Variants in ALCAM observed in about 807,000 individuals in gnomAD.
The protein encoded by ALCAM is activated leukocyte cell adhesion molecule.
ALCAM carries 30 observed loss-of-function variants against 70.9 expected under a neutral mutation model. The observed-to-expected ratio is 0.42, with a 90% CI of 0.32 to 0.57. The LOEUF is 0.57. Ranked by LOEUF, ALCAM falls within the 20% of genes least tolerant of loss-of-function variation. ALCAM has a pLI of 0.11. For synonymous variants in ALCAM, 249 were observed against 242.5 expected (o/e 1.03, Z -0.25); for missense variants, 591 against 695.1 (o/e 0.85, Z 1.68).
intron 1 of ALCAM, among the ~76,000 whole-genome samples, chr3:105,517,355 T>C (rs1939410972): frequency 6.6e-6 from 1 of 152,164 alleles, no homozygotes; most frequent in Non-Finnish European, 1.5e-5. Context: ...CTTATGTCTG[T>C]AATTGTTGGC....
chr3:105,521,020 G>A (rs1006980344), intron 2 of ALCAM, among the ~76,000 whole-genome samples: 2 of 152,118 alleles, frequency 1.3e-5, no homozygotes, highest in African/African-American at 2.4e-5. Context: ...AGTTTATTGC[G>A]GCCGGGCGCG....
At chr3:105,484,578 C>T (rs1250448652) in intron 1 of ALCAM, among the ~76,000 whole-genome samples, 1 of 151,976 alleles carries the variant, frequency 6.6e-6, no homozygotes, top group African/African-American at 2.4e-5. Context: ...TACCAAAACT[C>T]AAGCTTTCTG....
At chr3:105,434,664 A>T (rs1020898193) in intron 1 of ALCAM, among the ~76,000 whole-genome samples, 6 of 152,124 alleles carry the variant, frequency 3.9e-5, no homozygotes, top group Non-Finnish European at 8.8e-5. Context: ...TTGTCAGGAC[A>T]CTAAAGTAAC....
chr3:105,367,237 C>A lies in ALCAM; in HGVS notation c.-172C>A. 1 of 615,610 alleles carries A rather than the reference C, an allele frequency of 1.6e-6. No homozygotes were observed. Among genetic ancestry groups the A allele is most frequent in the Admixed American group, 3.0e-5 (1 of 33,274 alleles). 38.1% of individuals were successfully genotyped at this position (615,610 alleles called of 1,614,324 possible). A position where few individuals can be genotyped will look rare whatever the true frequency, so the allele number is the denominator to read the frequency against. The stretch of plus-strand genomic sequence containing the variant: ...GGGGGCATTGCGTGGTGGAAAGTTG[C>A]GTGCGGCAGAGAACCGAAGGTGCAG... On this transcript the variant is annotated 5_prime_UTR_variant, in exon 1 of 16. Coordinates refer to ENST00000306107, the MANE Select transcript of ALCAM (RefSeq NM_001627.4).
At chr3:105,527,585 T>C (rs778304404) in intron 3 of ALCAM, among the ~76,000 whole-genome samples, 1 of 150,580 alleles carries the variant, frequency 6.6e-6, no homozygotes, top group Non-Finnish European at 1.5e-5. Context: ...TTTTTCATGA[T>C]AATTTGTTCA....
chr3:105,369,100 T>C (rs1935156896), intron 1 of ALCAM, among the ~76,000 whole-genome samples: 1 of 152,168 alleles, frequency 6.6e-6, no homozygotes, highest in South Asian at 2.1e-4. Context: ...ACAAGGGTGA[T>C]GTCGGTTTGT....
chr3:105,423,042 C>G (rs1417339352), intron 1 of ALCAM, among the ~76,000 whole-genome samples: 1 of 151,364 alleles, frequency 6.6e-6, no homozygotes, highest in African/African-American at 2.4e-5. Flanking sequence ...GTGAAAGAAA[C>G]AGCTGGTCAC....
chr3:105,386,161 T>C (rs1281579420), intron 1 of ALCAM, among the ~76,000 whole-genome samples: 1 of 151,562 alleles, frequency 6.6e-6, no homozygotes, highest in Admixed American at 6.6e-5. Flanking sequence ...GAAATGAGTA[T>C]AAGAGAGACA....
At chr3:105,405,349 G>T (rs375196190) in intron 1 of ALCAM, among the ~76,000 whole-genome samples, 1 of 144,578 alleles carries the variant, frequency 6.9e-6, no homozygotes, top group East Asian at 2.1e-4. Context: ...TAGACCAACA[G>T]GAAAATACCC....
chr3:105,532,208 A>G, intron 4 of ALCAM, 142 bp downstream of exon 4: 4 of 713,736 alleles, frequency 5.6e-6, no homozygotes, highest in Non-Finnish European at 7.3e-6. Context: ...AATTATCTAC[A>G]AGGCACAGAG....
chr3:105,565,362 T>C (rs888703953), intron 14 of ALCAM, among the ~76,000 whole-genome samples: 5 of 152,200 alleles, frequency 3.3e-5, no homozygotes, highest in African/African-American at 1.2e-4. Flanking sequence ...ATAATTTCTA[T>C]GTCTATAACT....
At chr3:105,485,410 CAT>C (rs1559807358) in intron 1 of ALCAM, among the ~76,000 whole-genome samples, 1 of 151,634 alleles carries the variant, frequency 6.6e-6, no homozygotes, top group Non-Finnish European at 1.5e-5. Context: ...CGCACATCCA[CAT>C]GTGTGTGACA....
At chr3:105,467,160 T>G (rs551088768) in intron 1 of ALCAM, among the ~76,000 whole-genome samples, 1 of 151,330 alleles carries the variant, frequency 6.6e-6, no homozygotes, top group Non-Finnish European at 1.5e-5. Context: ...TAGGCTAGTA[T>G]GAAAAGTGCC....
At chr3:105,533,554 A>G in intron 4 of ALCAM, 49 bp from the exon 5 acceptor site, 1 of 1,532,778 alleles carries the variant, frequency 6.5e-7, no homozygotes, top group Middle Eastern at 1.7e-4. Flanking sequence ...TTCCAAATTG[A>G]CAGCCCCTGA....
chr3:105,417,724 T>C (rs1042461525), intron 1 of ALCAM, among the ~76,000 whole-genome samples: 23 of 150,056 alleles, frequency 1.5e-4, no homozygotes, highest in African/African-American at 5.3e-4. Flanking sequence ...TAAATTTTAC[T>C]TCCTCTTTTT....
intron 14 of ALCAM, among the ~76,000 whole-genome samples, chr3:105,556,606 A>AAC (rs1158518122): frequency 6.6e-6 from 1 of 152,022 alleles, no homozygotes; most frequent in Non-Finnish European, 1.5e-5. Flanking sequence ...ACTTGCCTAC[A>AAC]ACACTGAAAC....
At chr3:105,457,898 C>G (rs1937554659) in intron 1 of ALCAM, among the ~76,000 whole-genome samples, 1 of 152,286 alleles carries the variant, frequency 6.6e-6, no homozygotes, top group South Asian at 2.1e-4. Flanking sequence ...TTTGAAAACA[C>G]TGTTCAAAAA....
intron 1 of ALCAM, among the ~76,000 whole-genome samples, chr3:105,456,853 G>A (rs558699156): frequency 4.6e-5 from 7 of 152,222 alleles, no homozygotes; most frequent in African/African-American, 1.4e-4. Flanking sequence ...CCTCTAGTTA[G>A]GCAAGTTTTC....
In ALCAM at chr3:105,560,764, C is replaced by T. The variant is rs1205268309; in HGVS notation, c.1664+8179C>T. ...GGTTTGCTGTATCTATTTATCAAGCCATTCCAGCACTTGTTAAAAGGACTT... is the reference window on the plus strand; with the variant it reads ...GGTTTGCTGTATCTATTTATCAAGCTATTCCAGCACTTGTTAAAAGGACTT... On this transcript the variant is annotated intron_variant, in intron 14 of 15. Transcript: ENST00000306107. Among the ~76,000 whole-genome samples the T allele has an allele frequency of 3.9e-5, 6 of 152,216 alleles. No individual in the cohort carries two copies. The South Asian group carries it at 1.2e-3, about 32-fold the overall frequency.
Sources: gnomAD v4.1 joint callset for allele counts (sites outside exome capture counted in the v4.1 genomes callset) on GRCh38, gnomAD v4.1.1 for gene constraint, MANE v1.5 for transcripts, NCBI Gene and HGNC (gene_info 2026-07-23, HGNC 2026-07-21) for gene names.